The following TRPM3 variants were observed in gnomAD, a reference collection of about 807,000 sequenced individuals.
The protein encoded by TRPM3 is long transient receptor potential channel 3.
In TRPM3, 77 loss-of-function variants were observed where a neutral mutation model predicts 181.2. That is an observed-to-expected ratio of 0.42 (90% confidence interval 0.35 to 0.51). The LOEUF (loss-of-function observed/expected upper bound fraction) is 0.51, where lower values mean the gene tolerates loss of function less well. Among genes scored for constraint, TRPM3 ranks in the 20% least tolerant of loss-of-function variants. TRPM3 has a pLI of 0.01. For missense variants in TRPM3, 1,759 were observed against 2,196.7 expected (o/e 0.80, Z 3.98); for synonymous variants, 745 against 796.4 (o/e 0.94, Z 1.09).
intron 1 of TRPM3, among the ~76,000 whole-genome samples, chr9:71,291,197 T>G (rs2085780017): frequency 6.6e-6 from 1 of 152,102 alleles, no homozygotes; most frequent in Non-Finnish European, 1.5e-5. Context: ...ACTGAAATCT[T>G]AAAATACAGG....
intron 1 of TRPM3, among the ~76,000 whole-genome samples, chr9:71,140,093 T>C (rs941683077): frequency 3.9e-5 from 6 of 152,302 alleles, no homozygotes; most frequent in Middle Eastern, 3.4e-3. Flanking sequence ...GAAAGACAGA[T>C]AGCAGGCTGG....
At chr9:70,977,394 A>T (rs2097315230) in intron 1 of TRPM3, among the ~76,000 whole-genome samples, 1 of 152,242 alleles carries the variant, frequency 6.6e-6, no homozygotes, top group Non-Finnish European at 1.5e-5. Context: ...TTGGCCTCCC[A>T]AAGTGCTGGG....
chr9:70,911,489 A>G (rs976525007), intron 1 of TRPM3, among the ~76,000 whole-genome samples: 1 of 152,222 alleles, frequency 6.6e-6, no homozygotes, highest in African/African-American at 2.4e-5. Flanking sequence ...TTCTATTTCT[A>G]TATTCGACCA....
At chr9:71,341,295 A>G (rs2090945499) in intron 1 of TRPM3, among the ~76,000 whole-genome samples, 1 of 152,128 alleles carries the variant, frequency 6.6e-6, no homozygotes, top group South Asian at 2.1e-4. Flanking sequence ...TCCTACCCTA[A>G]TATTTGTTAA....
At chr9:70,828,094 G>T (rs1212579586) in intron 5 of TRPM3, 76 bp from the exon 6 acceptor site, 1 of 1,388,492 alleles carries the variant, frequency 7.2e-7, no homozygotes, top group African/African-American at 1.4e-5. Flanking sequence ...TCAGACAGAG[G>T]AAAGAGAGGA....
At chr9:71,219,526 A>G (rs947190698) in intron 1 of TRPM3, among the ~76,000 whole-genome samples, 5 of 152,234 alleles carry the variant, frequency 3.3e-5, no homozygotes, top group African/African-American at 9.6e-5. Context: ...CTGAACTCAG[A>G]AAACAGAAAC....
chr9:71,206,926 A>G (rs958506002), intron 1 of TRPM3, among the ~76,000 whole-genome samples: 7 of 152,076 alleles, frequency 4.6e-5, no homozygotes, highest in Admixed American at 2.0e-4. Flanking sequence ...TCTCTAACTT[A>G]CATCAAGGAC....
At chr9:71,425,582 G>A (rs2093849105) in intron 1 of TRPM3, among the ~76,000 whole-genome samples, 1 of 152,008 alleles carries the variant, frequency 6.6e-6, no homozygotes, top group African/African-American at 2.4e-5. Context: ...CCTGGTCCAG[G>A]CCATCATGAT....
At chr9:71,377,348 C>T (rs2092691184) in intron 1 of TRPM3, among the ~76,000 whole-genome samples, 1 of 152,070 alleles carries the variant, frequency 6.6e-6, no homozygotes, top group Non-Finnish European at 1.5e-5. Flanking sequence ...TCATTTCAGG[C>T]ATTTTACAAG....
At chr9:70,658,747 G>A (rs1320517727) in intron 9 of TRPM3, among the ~76,000 whole-genome samples, 1 of 151,874 alleles carries the variant, frequency 6.6e-6, no homozygotes, top group African/African-American at 2.4e-5. Flanking sequence ...ACTCTAACAG[G>A]TGCTTCTGAA....
chr9:70,627,550 G>C (rs1435083833), intron 12 of TRPM3, among the ~76,000 whole-genome samples: 2 of 152,074 alleles, frequency 1.3e-5, no homozygotes, highest in Non-Finnish European at 2.9e-5. Context: ...TGGGATTACA[G>C]GTGTGAGCCA....
Position 71,328,081 on chromosome 9 carries a change from C to CA in TRPM3, c.183+118571dup, listed in dbSNP as rs545880389. Among the ~76,000 whole-genome samples the CA allele has an allele frequency of 9.7e-3, 1,369 of 141,038 alleles. 13 individuals are homozygous for CA. Among genetic ancestry groups the CA allele is most frequent in the Non-Finnish European group, 0.014 (910 of 64,528 alleles). 92.5% of individuals were successfully genotyped at this position (141,038 alleles called of 152,430 possible). A position where few individuals can be genotyped will look rare whatever the true frequency, so the allele number is the denominator to read the frequency against. On this transcript the variant is annotated intron_variant, in intron 1 of 24. Transcript: ENST00000357533. Reference sequence around the variant, plus strand: ...ATTTTTCTGAATTAAAAAAAAAAAACAAAAAAAAAACCCCAAGTGACAAGA... The same window carrying CA: ...ATTTTTCTGAATTAAAAAAAAAAAACAAAAAAAAAAACCCCAAGTGACAAGA...
chr9:71,149,791 C>T (rs1220349514), intron 1 of TRPM3, among the ~76,000 whole-genome samples: 1 of 151,922 alleles, frequency 6.6e-6, no homozygotes, highest in Non-Finnish European at 1.5e-5. Context: ...CTGAGCAACC[C>T]CATCTCTACG....
intron 1 of TRPM3, among the ~76,000 whole-genome samples, chr9:71,078,091 A>G (rs537060430): frequency 6.6e-6 from 1 of 152,118 alleles, no homozygotes; most frequent in Non-Finnish European, 1.5e-5. Flanking sequence ...GGGCAAAAAC[A>G]TACTTGGGAG....
At chr9:71,140,074 A>G (rs1351846007) in intron 1 of TRPM3, among the ~76,000 whole-genome samples, 1 of 152,152 alleles carries the variant, frequency 6.6e-6, no homozygotes, top group Non-Finnish European at 1.5e-5. Flanking sequence ...CATGAGGGAG[A>G]GGCCTAGAGA....
intron 1 of TRPM3, among the ~76,000 whole-genome samples, chr9:70,989,832 C>T (rs1195597165): frequency 2.0e-5 from 3 of 152,114 alleles, no homozygotes; most frequent in Non-Finnish European, 4.4e-5. Flanking sequence ...TCTTTTACAA[C>T]CTGAAGCAAC....
intron 5 of TRPM3, among the ~76,000 whole-genome samples, chr9:70,835,633 T>A (rs1397061057): frequency 1.3e-5 from 2 of 152,136 alleles, no homozygotes; most frequent in Non-Finnish European, 2.9e-5. Flanking sequence ...TCCTACACGC[T>A]TGCCAGTTGG....
intron 14 of TRPM3, 47 bp from the exon 15 acceptor site, chr9:70,621,320 C>T (rs1270761811): frequency 1.3e-6 from 2 of 1,505,552 alleles, no homozygotes; most frequent in Non-Finnish European, 9.1e-7. Flanking sequence ...TTAGATCTTT[C>T]TTTCATAAAG....
intron 1 of TRPM3, among the ~76,000 whole-genome samples, chr9:71,234,490 T>G (rs1189086233): frequency 6.6e-6 from 1 of 152,188 alleles, no homozygotes; most frequent in Non-Finnish European, 1.5e-5. Context: ...CAGAAATTGT[T>G]TTCCTCACAA....
Sources: gnomAD v4.1 joint callset for allele counts (sites outside exome capture counted in the v4.1 genomes callset) on GRCh38, gnomAD v4.1.1 for gene constraint, MANE v1.5 for transcripts, NCBI Gene and HGNC (gene_info 2026-07-23, HGNC 2026-07-21) for gene names.